DCAF15: variants seen among roughly 807,000 people sequenced by gnomAD.
DCAF15 encodes DDB1 and CUL4 associated factor 15, also known as DDB1- and CUL4-associated factor 15.
Under a neutral mutation model 68.0 loss-of-function variants are expected in DCAF15, and 24 were observed. That is an observed-to-expected ratio of 0.35 (90% confidence interval 0.26 to 0.50). The LOEUF is 0.50. Ranked by LOEUF, DCAF15 falls within the 20% of genes least tolerant of loss-of-function variation. The probability of loss-of-function intolerance (pLI) is 0.98; values close to 1 mark genes in which losing one functional copy is unlikely to be tolerated. For synonymous variants in DCAF15, 376 were observed against 341.6 expected, an observed-to-expected ratio of 1.10 and a Z score of -1.11; for missense variants, 627 against 830.6, an observed-to-expected ratio of 0.75 and a Z score of 3.01.
chr19:13,960,440 A>C, intron 11 of DCAF15, 25 bp from the exon 12 acceptor site: 1 of 1,612,060 alleles, frequency 6.2e-7, no homozygotes, highest in South Asian at 1.1e-5. Flanking sequence ...AGGCGACGAG[A>C]GCCACTCACC....
chr19:13,958,976 C>T (rs1019175325), intron 6 of DCAF15, 69 bp from the exon 7 acceptor site: 21 of 1,519,382 alleles, frequency 1.4e-5, no homozygotes, highest in East Asian at 2.3e-5. Context: ...TTTCTGAAAA[C>T]CCCTGGGGAC....
intron 1 of DCAF15, chr19:13,953,262 C>G: frequency 1.0e-6 from 1 of 956,046 alleles, no homozygotes; most frequent in Non-Finnish European, 1.5e-6. Context: ...TCTCTCTCCC[C>G]CATCAGTTTG....
chr19:13,957,946 C>T lies in DCAF15; in HGVS notation c.785-1099C>T, dbSNP rs148388890. Among the ~76,000 whole-genome samples, 431 of 152,278 alleles carry T rather than the reference C, an allele frequency of 2.8e-3. 3 individuals carry two copies. Among genetic ancestry groups the T allele is most frequent in the African/African-American group, 9.7e-3 (404 of 41,530 alleles). On this transcript the variant is annotated intron_variant, in intron 6 of 12. Coordinates refer to ENST00000254337, the MANE Select transcript of DCAF15 (RefSeq NM_138353.4). ...GATGCAAAGACGTCCATTAAATCCT[C>T]ATGGAAATGGTTGTCCCTGGGGCGG...
Position 13,954,447 on chromosome 19 carries a change from G to C in DCAF15, c.230+10G>C, listed in dbSNP as rs1252792744. 6.2e-7 allele frequency: 1 copy of C among 1,613,872 alleles called. No homozygotes were observed. Among genetic ancestry groups the C allele is most frequent in the Non-Finnish European group, 8.5e-7 (1 of 1,180,002 alleles). Reference sequence around the variant, plus strand: ...ACTTCCTCTATGCAGGGTGAGGCTGGGCCCAGGCAAAGGGGGCAGGTGGGC... The same window carrying C: ...ACTTCCTCTATGCAGGGTGAGGCTGCGCCCAGGCAAAGGGGGCAGGTGGGC... On this transcript the variant is annotated intron_variant, in intron 2 of 12. Coordinates refer to ENST00000254337, the MANE Select transcript of DCAF15 (RefSeq NM_138353.4).
intron 6 of DCAF15, 85 bp downstream of exon 6, chr19:13,956,607 C>T (rs1285826277): frequency 1.6e-5 from 24 of 1,475,020 alleles, no homozygotes; most frequent in East Asian, 2.4e-5. Flanking sequence ...GGGCCCCAGG[C>T]GTAGAGAGGT....
chr19:13,956,671 A>G (rs994544858), intron 6 of DCAF15, 149 bp downstream of exon 6: 3 of 933,104 alleles, frequency 3.2e-6, no homozygotes, highest in Non-Finnish European at 4.8e-6. Context: ...TGCGGTCCAA[A>G]TGTGGCCACG....
rs573687279 is a variant in DCAF15, at chr19:13,955,690, G to A, written c.367-222G>A. 9.2e-5 allele frequency among the ~76,000 whole-genome samples: 14 copies of A among 152,232 alleles called. No individual in the cohort carries two copies. The highest frequency in any genetic ancestry group is 2.9e-4 in the African/African-American group (12 of 41,536). ...ACCAGTGCCTGGCGCAGTCTCCCCC[G>A]GGACATTGTTCCCATCGGCTGCATC... On this transcript the variant is annotated intron_variant, in intron 3 of 12. Transcript: ENST00000254337.
rs1973548957 is a variant in DCAF15, at chr19:13,960,079, G to A, written c.1526+10G>A. On this transcript the variant is annotated intron_variant, in intron 10 of 12. Transcript: ENST00000254337. The stretch of plus-strand genomic sequence containing the variant: ...AGGAGGGCCAGCTCCGGTGAGCGCG[G>A]GGATCCTGCCCTCTCTGTCCACTAG... 3 of 1,613,148 alleles carry A rather than the reference G, an allele frequency of 1.9e-6. No individual in the cohort carries two copies. The highest frequency in any genetic ancestry group is 2.5e-6 in the Non-Finnish European group (3 of 1,179,876).
chr19:13,959,775 C>A lies in DCAF15; in HGVS notation c.1320C>A (p.Tyr440Ter). ...TACCCACTCACCCGCAGGGCCAGTA[C>A]CTGACAGTGGAGCAGCTCACACTAG... ...MRERTAVQGQ[Y>*]LTVEQLTLDF... The change falls in exon 9 of 13, where the codon TAC (tyrosine) becomes TAA (stop). Residue 440 changes from tyrosine to a stop codon, truncating the protein, a stop_gained. Coordinates refer to ENST00000254337, the MANE Select transcript of DCAF15 (RefSeq NM_138353.4). LOFTEE classifies it high-confidence loss of function. The A allele has an allele frequency of 6.2e-7, 1 of 1,613,818 alleles. No individual in the cohort carries two copies. The highest frequency in any genetic ancestry group is 8.5e-7 in the Non-Finnish European group (1 of 1,179,982).
rs75931705 is a variant in DCAF15 at position 13,954,019 on chromosome 19, C to A, written c.133-321C>A. Among the ~76,000 whole-genome samples, 766 of 152,132 alleles carry A rather than the reference C, an allele frequency of 5.0e-3. 5 individuals carry two copies. The highest frequency in any genetic ancestry group is 7.1e-3 in the Non-Finnish European group (486 of 67,976). The stretch of plus-strand genomic sequence containing the variant: ...TCAGGGAGGGAAGCAGGTGGCCCAG[C>A]GTGGGACAGGGTGATTGGGGAACTT... On this transcript the variant is annotated intron_variant, in intron 1 of 12. Coordinates refer to ENST00000254337, the MANE Select transcript of DCAF15 (RefSeq NM_138353.4).
intron 3 of DCAF15, among the ~76,000 whole-genome samples, chr19:13,955,668 A>G (rs1374410021): frequency 6.6e-6 from 1 of 152,174 alleles, no homozygotes; most frequent in Non-Finnish European, 1.5e-5. Flanking sequence ...GCTTGGAACC[A>G]GTGCCTGGCG....
intron 3 of DCAF15, among the ~76,000 whole-genome samples, chr19:13,955,186 C>T (rs966240242): frequency 4.6e-5 from 7 of 152,100 alleles, no homozygotes; most frequent in Admixed American, 2.0e-4. Flanking sequence ...TTTGGGAGCC[C>T]GAGGTGGGTG....
In DCAF15 at chr19:13,959,184, T is replaced by C. The variant is rs994144257; in HGVS notation, c.924T>C (p.Ser308=). The C allele has an allele frequency of 1.5e-5, 24 of 1,612,590 alleles. No individual in the cohort carries two copies. In the African/African-American group the frequency reaches 3.1e-4, roughly 21 times the overall value. The change falls in exon 7 of 13, where the codon TCT becomes TCC. Residue 308 remains serine, a synonymous_variant. Coordinates refer to ENST00000254337, the MANE Select transcript of DCAF15 (RefSeq NM_138353.4). Reference sequence around the variant, plus strand: ...CTGAGGCGGCCCCAGCCCGTTCTTCTGGGTCTCCTGAGCCCTCGCCCGCCA... The same window carrying C: ...CTGAGGCGGCCCCAGCCCGTTCTTCCGGGTCTCCTGAGCCCTCGCCCGCCA... The part of the protein sequence containing the change: ...FCPEAAPARS[S]GSPEPSPAIA...
In DCAF15 at chr19:13,959,398, C is replaced by G. The variant is rs1426495505; in HGVS notation, c.1138C>G (p.Pro380Ala). 6.2e-7 allele frequency: 1 copy of G among 1,606,638 alleles called. No homozygotes were observed. The highest frequency in any genetic ancestry group is 1.3e-5 in the African/African-American group (1 of 75,040). The change falls in exon 7 of 13, where the codon CCT becomes GCT. Residue 380 changes from proline to alanine, a missense_variant. Coordinates refer to ENST00000254337, the MANE Select transcript of DCAF15 (RefSeq NM_138353.4). ...GGACAGCCCCCCTGCCTCGGAGGCA[C>G]CTGCCTCCGAGCCTGGCTATGTCAA... ...PRDSPPASEAPASEPGYVNYT... is the reference protein window; with the variant it reads ...PRDSPPASEAAASEPGYVNYT...
intron 6 of DCAF15, 71 bp downstream of exon 6, chr19:13,956,593 C>T (rs1244428956): frequency 1.3e-6 from 2 of 1,549,456 alleles, no homozygotes; most frequent in Non-Finnish European, 1.7e-6. Context: ...ACCACACAGA[C>T]AAGGGGCCCC....
intron 6 of DCAF15, among the ~76,000 whole-genome samples, chr19:13,958,762 C>T (rs544058500): frequency 3.3e-5 from 5 of 152,188 alleles, no homozygotes; most frequent in African/African-American, 1.2e-4. Context: ...GTGTTGTCTC[C>T]CTCAGGGCAG....
chr19:13,960,134 G>T (rs1973553499), intron 10 of DCAF15, 65 bp downstream of exon 10: 1 of 1,596,536 alleles, frequency 6.3e-7, no homozygotes, highest in Non-Finnish European at 8.5e-7. Context: ...TTCACGGTGG[G>T]GGTGTGGGGA....
In DCAF15 at chr19:13,959,104, A is replaced by G. The variant is rs1973481183; in HGVS notation, c.844A>G (p.Ser282Gly). The change falls in exon 7 of 13, where the codon AGC becomes GGC. Residue 282 changes from serine (S) to glycine (G), a missense_variant. Transcript: ENST00000254337. ...DHSTCPLAPA[S>G]PPEPQSPELP... Reference sequence around the variant, plus strand: ...CAGCACCTGCCCCCTGGCGCCTGCCAGCCCCCCTGAGCCCCAGAGCCCAGA... The same window carrying G: ...CAGCACCTGCCCCCTGGCGCCTGCCGGCCCCCCTGAGCCCCAGAGCCCAGA... The G allele has an allele frequency of 6.2e-7, 1 of 1,611,942 alleles. No individual in the cohort carries two copies. The highest frequency in any genetic ancestry group is 8.5e-7 in the Non-Finnish European group (1 of 1,179,380).
intron 1 of DCAF15, 122 bp from the exon 2 acceptor site, chr19:13,954,218 T>A: frequency 1.3e-6 from 1 of 797,828 alleles, no homozygotes; most frequent in East Asian, 2.6e-5. Flanking sequence ...GGCCTTCTTT[T>A]GACCATTATG....
Sources: allele counts gnomAD v4.1 joint callset (sites outside exome capture counted in the v4.1 genomes callset), GRCh38; gene constraint gnomAD v4.1.1; transcripts MANE v1.5; gene names NCBI Gene and HGNC (gene_info 2026-07-23, HGNC 2026-07-21).